The following VWA5A variants were observed in gnomAD, a reference collection of about 807,000 sequenced individuals.
VWA5A encodes von Willebrand factor A domain-containing protein 5A.
In VWA5A, 77 loss-of-function variants were observed where a neutral mutation model predicts 84.6. The observed-to-expected ratio is 0.91, with a 90% CI of 0.76 to 1.10. The LOEUF is 1.10. Ranked by LOEUF, VWA5A falls within the 50% of genes least tolerant of loss-of-function variation. The probability of loss-of-function intolerance (pLI) is 0.00; values close to 1 mark genes in which losing one functional copy is unlikely to be tolerated. For missense variants in VWA5A, 973 were observed against 963.0 expected, an observed-to-expected ratio of 1.01 and a Z score of -0.14; for synonymous variants, 334 against 350.1, an observed-to-expected ratio of 0.95 and a Z score of 0.51.
chr11:124,134,813 G>A (rs923379310), intron 11 of VWA5A, 107 bp from the exon 12 acceptor site: 16 of 764,624 alleles, frequency 2.1e-5, no homozygotes, highest in Non-Finnish European at 3.1e-5. Context: ...TACACTTTTG[G>A]TCAAGAAAGT....
chr11:124,127,733 T>C lies in VWA5A; in HGVS notation c.1244+3417T>C, dbSNP rs550313925. On this transcript the variant is annotated intron_variant, in intron 11 of 18. Coordinates refer to ENST00000456829, the MANE Select transcript of VWA5A (RefSeq NM_001130142.2). ...TTAACTGGCGTGAGATGGTATCTCATTGTGGTTTTGATTTGCATTTCTCTA... is the reference window on the plus strand; with the variant it reads ...TTAACTGGCGTGAGATGGTATCTCACTGTGGTTTTGATTTGCATTTCTCTA... Among the ~76,000 whole-genome samples, 290 of 152,328 alleles carry C rather than the reference T, an allele frequency of 1.9e-3. 1 individual carries two copies. Among genetic ancestry groups the C allele is most frequent in the Non-Finnish European group, 3.6e-3 (243 of 68,028 alleles).
At chr11:124,125,909 G>A (rs562799037) in intron 11 of VWA5A, among the ~76,000 whole-genome samples, 1 of 152,268 alleles carries the variant, frequency 6.6e-6, no homozygotes, top group East Asian at 1.9e-4. Flanking sequence ...TCTGTGTCCT[G>A]TTAAAAAGTC....
intron 8 of VWA5A, 33 bp downstream of exon 8, chr11:124,123,162 A>G (rs1253313811): frequency 1.9e-6 from 3 of 1,598,270 alleles, no homozygotes; most frequent in East Asian, 4.5e-5. Context: ...TCTGGGTCAC[A>G]TGCTCAAGTG....
At chr11:124,124,550 A>G (rs1864987967) in intron 11 of VWA5A, 1 of 1,255,578 alleles carries the variant, frequency 8.0e-7, no homozygotes, top group African/African-American at 1.6e-5. Context: ...AACGAACACA[A>G]GAATTGAATA....
intron 17 of VWA5A, among the ~76,000 whole-genome samples, chr11:124,143,089 G>A (rs570061498): frequency 9.2e-5 from 14 of 152,272 alleles, no homozygotes; most frequent in African/African-American, 3.1e-4. Context: ...TCTGTCTTGA[G>A]AACCCCCAAT....
chr11:124,135,522 CTTTTTTTT>C (rs60188800), intron 12 of VWA5A, among the ~76,000 whole-genome samples: 1 of 84,344 alleles, frequency 1.2e-5, no homozygotes, highest in Non-Finnish European at 2.2e-5. Context: ...GGTGGTATTT[CTTTTTTTT>C]TTTTTTTTTT....
chr11:124,126,118 A>G (rs1430732497), intron 11 of VWA5A, among the ~76,000 whole-genome samples: 1 of 152,216 alleles, frequency 6.6e-6, no homozygotes, highest in African/African-American at 2.4e-5. Flanking sequence ...CTAGAACTAC[A>G]CCATATAAAT....
Position 124,123,147 on chromosome 11 carries a change from C to A in VWA5A, c.930+18C>A. 2 of 1,605,010 alleles carry A rather than the reference C, an allele frequency of 1.2e-6. No homozygotes were observed. Among genetic ancestry groups the A allele is most frequent in the Non-Finnish European group, 8.5e-7 (1 of 1,177,088 alleles). Reference sequence around the variant, plus strand: ...CAGCCAAGGTAAAGCTAGTTTCTTTCCTCTTCTGGGTCACATGCTCAAGTG... The same window carrying A: ...CAGCCAAGGTAAAGCTAGTTTCTTTACTCTTCTGGGTCACATGCTCAAGTG... On this transcript the variant is annotated intron_variant, in intron 8 of 18. Transcript: ENST00000456829.
chr11:124,123,950 T>C (rs4144889), intron 10 of VWA5A, 146 bp downstream of exon 10: 62,894 of 1,225,548 alleles, frequency 0.051, 4,147 homozygotes, highest in East Asian at 0.39. Flanking sequence ...AAAAAGATGA[T>C]GCATTTGTCT....
In VWA5A at chr11:124,136,901, T is replaced by TC; in HGVS notation, c.1626-110dup. The TC allele has an allele frequency of 6.4e-6, 9 of 1,405,680 alleles. No individual in the cohort carries two copies. In the South Asian group the frequency reaches 1.3e-4, roughly 20 times the overall value. 87.1% of individuals were successfully genotyped at this position (1,405,680 alleles called of 1,614,324 possible). A position where few individuals can be genotyped will look rare whatever the true frequency, so the allele number is the denominator to read the frequency against. On this transcript the variant is annotated intron_variant, in intron 14 of 18. Transcript: ENST00000456829. ...TTCTAAACCACCCAAGTCTTCTCTC[T>TC]CCCCTTATCTGACTTTATCTTAACT...
At chr11:124,141,426 C>A (rs1170308065) in intron 15 of VWA5A, among the ~76,000 whole-genome samples, 172 bp from the exon 16 acceptor site, 1 of 152,024 alleles carries the variant, frequency 6.6e-6, no homozygotes, top group Non-Finnish European at 1.5e-5. Flanking sequence ...AGAAGGAGAG[C>A]TCAGAGGGTG....
intron 15 of VWA5A, among the ~76,000 whole-genome samples, chr11:124,139,848 G>A (rs1310465417): frequency 6.6e-6 from 1 of 152,006 alleles, no homozygotes; most frequent in Non-Finnish European, 1.5e-5. Context: ...GAATAGAAGT[G>A]GTGAAAGTCA....
intron 18 of VWA5A, 38 bp from the exon 19 acceptor site, chr11:124,145,828 A>G: frequency 1.2e-5 from 19 of 1,553,502 alleles, no homozygotes; most frequent in Non-Finnish European, 1.6e-5. Flanking sequence ...CTCTAATTGC[A>G]ATCCTTCATC....
intron 7 of VWA5A, 142 bp downstream of exon 7, chr11:124,119,231 T>C (rs536405503): frequency 3.9e-6 from 3 of 768,054 alleles, no homozygotes; most frequent in African/African-American, 3.5e-5. Context: ...CACTATGTCA[T>C]GCAAAAATGG....
At chr11:124,129,958 T>A (rs755652901) in intron 11 of VWA5A, among the ~76,000 whole-genome samples, 1 of 152,110 alleles carries the variant, frequency 6.6e-6, no homozygotes, top group Admixed American at 6.5e-5. Flanking sequence ...TTTTGAAGGG[T>A]TTTTTCTGTT....
At chr11:124,141,513 G>A (rs1044135921) in intron 15 of VWA5A, 85 bp from the exon 16 acceptor site, 10 of 1,537,522 alleles carry the variant, frequency 6.5e-6, no homozygotes, top group Middle Eastern at 2.2e-4. Flanking sequence ...TGTGGATGGG[G>A]GGGTATGTAT....
chr11:124,133,430 G>T (rs1035333310), intron 11 of VWA5A, among the ~76,000 whole-genome samples: 1 of 152,250 alleles, frequency 6.6e-6, no homozygotes, highest in Admixed American at 6.5e-5. Context: ...TCAGATGCTG[G>T]GCTCAATTCT....
In VWA5A at chr11:124,136,594, A is replaced by C. The variant is rs1860590868; in HGVS notation, c.1545A>C (p.Glu515Asp). 6.2e-7 allele frequency: 1 copy of C among 1,614,036 alleles called. No homozygotes were observed. The highest frequency in any genetic ancestry group is 1.7e-5 in the Admixed American group (1 of 59,998). ...TGCAGGCAGCAGAGACAACAGGAGA[A>C]GTATGCCTCAAATATACACTCCAGG... ...GRMPAAETTG[E>D]VCLKYTLQGK... Residue 515 changes from glutamate (E) to aspartate (D), a missense_variant, in exon 14 of 19, where the codon GAA (glutamate) becomes GAC (aspartate). By Grantham distance (45) the Glu-to-Asp change is conservative (BLOSUM62 2). Coordinates refer to ENST00000456829, the MANE Select transcript of VWA5A (RefSeq NM_001130142.2).
At chr11:124,137,809 T>G (rs1275505645) in intron 15 of VWA5A, among the ~76,000 whole-genome samples, 1 of 152,220 alleles carries the variant, frequency 6.6e-6, no homozygotes, top group African/African-American at 2.4e-5. Flanking sequence ...ACCTACTTTC[T>G]ATCTCTATAC....
Sources: allele counts gnomAD v4.1 joint callset (sites outside exome capture counted in the v4.1 genomes callset), GRCh38; gene constraint gnomAD v4.1.1; transcripts MANE v1.5; gene names NCBI Gene and HGNC (gene_info 2026-07-23, HGNC 2026-07-21).